Variants in CACNA2D1 observed in about 807,000 individuals in gnomAD.
The protein encoded by CACNA2D1 is calcium voltage-gated channel auxiliary subunit alpha2delta 1, also known as voltage-dependent calcium channel subunit alpha-2/delta-1.
CACNA2D1 carries 53 observed loss-of-function variants against 171.5 expected under a neutral mutation model. The observed-to-expected ratio is 0.31, with a 90% CI of 0.25 to 0.39. The LOEUF is 0.39. CACNA2D1 is among the 10% of genes least tolerant of loss of function. The pLI, the probability that CACNA2D1 is intolerant of heterozygous loss-of-function variation, is 1.00. For synonymous variants in CACNA2D1, 442 were observed against 443.1 expected (o/e 1.00, Z 0.03); for missense variants, 903 against 1,299.8 (o/e 0.69, Z 4.69).
intron 10 of CACNA2D1, among the ~76,000 whole-genome samples, chr7:82,057,953 A>C (rs1317050005): frequency 1.3e-5 from 2 of 152,170 alleles, no homozygotes; most frequent in Non-Finnish European, 2.9e-5. Flanking sequence ...ACCAGTCTCC[A>C]TCTTTAAGAA....
intron 4 of CACNA2D1, among the ~76,000 whole-genome samples, chr7:82,138,900 T>C (rs1256452238): frequency 1.3e-5 from 2 of 152,180 alleles, no homozygotes; most frequent in African/African-American, 4.8e-5. Flanking sequence ...CAATTTAAAA[T>C]GTGGATTCTA....
chr7:82,150,422 T>TTA (rs1362181284), intron 4 of CACNA2D1, among the ~76,000 whole-genome samples: 9 of 140,720 alleles, frequency 6.4e-5, no homozygotes, highest in African/African-American at 2.1e-4. Context: ...AGCTTTCCCT[T>TTA]AAAAAAAAAA....
At chr7:82,029,866 C>G (rs952780526) in intron 12 of CACNA2D1, 2 of 151,606 alleles carry the variant, frequency 1.3e-5, no homozygotes, top group African/African-American at 4.8e-5. Flanking sequence ...ATGTTAGAGA[C>G]AAAATTAAAT....
At chr7:82,440,000 C>T (rs1021012003) in intron 1 of CACNA2D1, among the ~76,000 whole-genome samples, 1 of 151,666 alleles carries the variant, frequency 6.6e-6, no homozygotes, top group South Asian at 2.1e-4. Context: ...TCCTGACATA[C>T]AAAATTTCTC....
chr7:82,431,195 C>A lies in CACNA2D1; in HGVS notation c.95+12170G>T, dbSNP rs138358538. ...TAGGAGGAGACATTTTTAAGACCTG[C>A]TAAGCATCCCTTTTTCCATTCATTT... On this transcript the variant is annotated intron_variant, in intron 1 of 38. Transcript: ENST00000356860. 5.4e-3 allele frequency among the ~76,000 whole-genome samples: 819 copies of A among 152,272 alleles called. 4 individuals carry two copies. The highest frequency in any genetic ancestry group is 0.019 in the African/African-American group (769 of 41,550).
Sources: gnomAD v4.1 joint callset for allele counts (sites outside exome capture counted in the v4.1 genomes callset) on GRCh38, gnomAD v4.1.1 for gene constraint, MANE v1.5 for transcripts, NCBI Gene and HGNC (gene_info 2026-07-23, HGNC 2026-07-21) for gene names.